Variants in FLRT2 observed in about 807,000 individuals in gnomAD.
The protein encoded by FLRT2 is fibronectin leucine rich transmembrane protein 2, also known as leucine-rich repeat transmembrane protein FLRT2.
FLRT2 carries 15 observed loss-of-function variants against 40.0 expected under a neutral mutation model. The ratio of observed to expected loss-of-function variants is 0.38; its 90% CI spans 0.25 to 0.58. The LOEUF (loss-of-function observed/expected upper bound fraction) is 0.58. Among genes scored for constraint, FLRT2 ranks in the 20% least tolerant of loss-of-function variants. FLRT2 has a pLI of 0.71. For missense variants in FLRT2, 726 were observed against 840.0 expected (o/e 0.86, Z 1.68); for synonymous variants, 380 against 336.8 (o/e 1.13, Z -1.41).
At position 85,623,322 on chromosome 14, in the gene FLRT2, C is replaced by G. The variant is rs756718002; in HGVS notation, c.1808C>G (p.Thr603Arg). ...AAGGACAACTCCATCCTGGAGATGACAGAAACCAGTTTTCAGATCGTCTCC... is the reference window on the plus strand; with the variant it reads ...AAGGACAACTCCATCCTGGAGATGAGAGAAACCAGTTTTCAGATCGTCTCC... ...TKKDNSILEMTETSFQIVSLN... is the reference protein window; with the variant it reads ...TKKDNSILEMRETSFQIVSLN... The change falls in exon 2 of 2, where the codon ACA (threonine) becomes AGA (arginine). Residue 603 changes from threonine to arginine, a missense_variant. Transcript: ENST00000330753. The G allele has an allele frequency of 1.1e-5, 17 of 1,515,876 alleles. No individual in the cohort carries two copies. Among genetic ancestry groups the G allele is most frequent in the Non-Finnish European group, 1.4e-5 (16 of 1,133,368 alleles). 93.9% of individuals were successfully genotyped at this position (1,515,876 alleles called of 1,614,324 possible). A position where few individuals can be genotyped will look rare whatever the true frequency, so the allele number is the denominator to read the frequency against.
chr14:85,536,534 G>C (rs1014284146), intron 1 of FLRT2, among the ~76,000 whole-genome samples: 1 of 151,910 alleles, frequency 6.6e-6, no homozygotes, highest in African/African-American at 2.4e-5. Context: ...TTCAATTCGA[G>C]TTCCTTTTTC....
intron 1 of FLRT2, among the ~76,000 whole-genome samples, chr14:85,598,141 A>G (rs1892223823): frequency 6.6e-6 from 1 of 152,220 alleles, no homozygotes; most frequent in South Asian, 2.1e-4. Context: ...CCATTTATTG[A>G]GCACTTACTC....
At chr14:85,573,874 G>A (rs1228829572) in intron 1 of FLRT2, among the ~76,000 whole-genome samples, 1 of 152,214 alleles carries the variant, frequency 6.6e-6, no homozygotes, top group Non-Finnish European at 1.5e-5. Context: ...CACATCTAAA[G>A]GCTCAGTGGA....
intron 1 of FLRT2, among the ~76,000 whole-genome samples, chr14:85,543,608 A>G (rs1368563767): frequency 6.6e-6 from 1 of 152,066 alleles, no homozygotes; most frequent in Non-Finnish European, 1.5e-5. Context: ...ACTTGTTATC[A>G]TGCCACGCAA....
intron 1 of FLRT2, among the ~76,000 whole-genome samples, chr14:85,619,151 A>C (rs2139365513): frequency 6.7e-6 from 1 of 149,524 alleles, no homozygotes; most frequent in East Asian, 2.0e-4. Context: ...CTGCAACAGC[A>C]TGATCTTGGC....
rs890179422 is a variant in FLRT2 at position 85,638,186 on chromosome 14, G to A, written c.*14689G>A. 9 of 152,204 alleles carry A rather than the reference G, an allele frequency of 5.9e-5. No homozygotes were observed. 9.4% of individuals were successfully genotyped at this position (152,204 alleles called of 1,614,324 possible). The stretch of plus-strand genomic sequence containing the variant: ...GTTTGGAGCACGGGCCATTGCGATG[G>A]ACAGACGCCACCGCAGAGAGCAAGG... On this transcript the variant is annotated 3_prime_UTR_variant, in exon 2 of 2. Transcript: ENST00000330753.
chr14:85,567,001 G>C (rs181176661), intron 1 of FLRT2, among the ~76,000 whole-genome samples: 1 of 152,248 alleles, frequency 6.6e-6, no homozygotes, highest in East Asian at 1.9e-4. Flanking sequence ...AATTTCTCAT[G>C]ATTGAAACAG....
intron 1 of FLRT2, among the ~76,000 whole-genome samples, chr14:85,583,640 A>G (rs1224239832): frequency 6.6e-6 from 1 of 152,166 alleles, no homozygotes; most frequent in African/African-American, 2.4e-5. Flanking sequence ...TGGTCCGCTT[A>G]AAGAATATTC....
chr14:85,599,730 T>C lies in FLRT2; in HGVS notation c.-376-21409T>C, dbSNP rs376180519. ...CCCCGTCTTTCCTTCTTTCCTCCTT[T>C]TCTTTCTTTCTTTCTTCCCTTTATC... On this transcript the variant is annotated intron_variant, in intron 1 of 1. Coordinates refer to ENST00000330753, the MANE Select transcript of FLRT2 (RefSeq NM_013231.6). 7.2e-5 allele frequency among the ~76,000 whole-genome samples: 11 copies of C among 152,214 alleles called. No homozygotes were observed. In the East Asian group the frequency reaches 1.9e-3, roughly 27 times the overall value.
chr14:85,622,785 G>A lies in FLRT2; in HGVS notation c.1271G>A (p.Arg424Gln), dbSNP rs1306901000. The A allele has an allele frequency of 3.7e-6, 6 of 1,613,946 alleles. No homozygotes were observed. The highest frequency in any genetic ancestry group is 4.5e-5 in the East Asian group (2 of 44,862). Residue 424 changes from arginine (R) to glutamine (Q), a missense_variant, in exon 2 of 2, where the codon CGG becomes CAG. Physicochemically the swap from Arg to Gln is conservative, Grantham distance 43 (BLOSUM62 1). Transcript: ENST00000330753. The stretch of plus-strand genomic sequence containing the variant: ...AGAGTGACCCCACCTATTTCTGAAC[G>A]GATCCAGCTCTCTATCCATTTTGTG... ...RERVTPPISE[R>Q]IQLSIHFVND...
intron 1 of FLRT2, among the ~76,000 whole-genome samples, chr14:85,543,227 C>T (rs996914039): frequency 5.3e-5 from 8 of 152,052 alleles, no homozygotes; most frequent in Admixed American, 3.9e-4. Context: ...TTGAAAGCTC[C>T]CATTATTGGA....
Position 85,639,851 on chromosome 14 carries a change from C to CTTTTTTTTT in FLRT2, c.*16361_*16369dup, listed in dbSNP as rs869148428. The CTTTTTTTTT allele has an allele frequency of 1.0e-4, 12 of 119,246 alleles. No individual in the cohort carries two copies. Among genetic ancestry groups the CTTTTTTTTT allele is most frequent in the African/African-American group, 2.0e-4 (6 of 29,554 alleles). The allele number at this position is 119,246 out of a possible 1,614,324, so 7.4% of individuals were successfully genotyped here. On this transcript the variant is annotated 3_prime_UTR_variant, in exon 2 of 2. Coordinates refer to ENST00000330753, the MANE Select transcript of FLRT2 (RefSeq NM_013231.6). Reference sequence around the variant, plus strand: ...GAAATTCTTTATTTTTTTTTTTTTCCTTTTTTTTTTTTTTTGAGACAGTGT... The same window carrying CTTTTTTTTT: ...GAAATTCTTTATTTTTTTTTTTTTCCTTTTTTTTTTTTTTTTTTTTTTTTGAGACAGTGT...
In FLRT2 at chr14:85,625,965, T is replaced by C. The variant is rs2139378051; in HGVS notation, c.*2468T>C. On this transcript the variant is annotated 3_prime_UTR_variant, in exon 2 of 2. Coordinates refer to ENST00000330753, the MANE Select transcript of FLRT2 (RefSeq NM_013231.6). ...TCATTTCTTATGGGGTTCACAGAATTATTTGGGGCTTAAATGGTACAATGG... is the reference window on the plus strand; with the variant it reads ...TCATTTCTTATGGGGTTCACAGAATCATTTGGGGCTTAAATGGTACAATGG... 1 of 167,174 alleles carries C rather than the reference T, an allele frequency of 6.0e-6. No individual in the cohort carries two copies. Among genetic ancestry groups the C allele is most frequent in the Admixed American group, 6.5e-5 (1 of 15,304 alleles). 10.4% of individuals were successfully genotyped at this position (167,174 alleles called of 1,614,324 possible).
chr14:85,604,835 G>T (rs549390788), intron 1 of FLRT2, among the ~76,000 whole-genome samples: 2 of 152,294 alleles, frequency 1.3e-5, no homozygotes, highest in African/African-American at 4.8e-5. Flanking sequence ...TGCTGTGTGT[G>T]TTGGCAGAGG....
chr14:85,560,177 G>A (rs1245752174), intron 1 of FLRT2, among the ~76,000 whole-genome samples: 4 of 152,160 alleles, frequency 2.6e-5, no homozygotes, highest in African/African-American at 9.7e-5. Flanking sequence ...CCTACTGGGT[G>A]AGGTTTTGTT....
In FLRT2 at chr14:85,635,665, C is replaced by G. The variant is rs1470486948; in HGVS notation, c.*12168C>G. 1 of 151,814 alleles carries G rather than the reference C, an allele frequency of 6.6e-6. No individual in the cohort carries two copies. The highest frequency in any genetic ancestry group is 1.9e-4 in the East Asian group (1 of 5,178). The allele number at this position is 151,814 out of a possible 1,614,324, so 9.4% of individuals were successfully genotyped here. A position where few individuals can be genotyped will look rare whatever the true frequency, so the allele number is the denominator to read the frequency against. On this transcript the variant is annotated 3_prime_UTR_variant, in exon 2 of 2. Coordinates refer to ENST00000330753, the MANE Select transcript of FLRT2 (RefSeq NM_013231.6). ...TGATGGAATAGAACAGATTTTAACC[C>G]TGATCCCTGCCACTTTTATCTGAAC...
rs1327156636 is a variant in FLRT2, at chr14:85,632,530, A to G, written c.*9033A>G. On this transcript the variant is annotated 3_prime_UTR_variant, in exon 2 of 2. Transcript: ENST00000330753. The stretch of plus-strand genomic sequence containing the variant: ...CCATCATGAAAAGTCCACAAAGCAC[A>G]AGTAGACACAAAGTTAAACATTTCG... 2 of 151,976 alleles carry G rather than the reference A, an allele frequency of 1.3e-5. No individual in the cohort carries two copies. The highest frequency in any genetic ancestry group is 2.9e-5 in the Non-Finnish European group (2 of 67,998). 9.4% of individuals were successfully genotyped at this position (151,976 alleles called of 1,614,324 possible).
intron 1 of FLRT2, among the ~76,000 whole-genome samples, chr14:85,607,036 C>A (rs1054377627): frequency 2.0e-5 from 3 of 151,402 alleles, no homozygotes; most frequent in African/African-American, 4.9e-5. Flanking sequence ...TGGAGGGACA[C>A]AAATTCTCAT....
At chr14:85,605,109 A>G (rs1045241364) in intron 1 of FLRT2, among the ~76,000 whole-genome samples, 2 of 152,126 alleles carry the variant, frequency 1.3e-5, no homozygotes, top group African/African-American at 4.8e-5. Context: ...TTTTAATATC[A>G]TCTCAGGCCT....
Sources: allele counts gnomAD v4.1 joint callset (sites outside exome capture counted in the v4.1 genomes callset), GRCh38; gene constraint gnomAD v4.1.1; transcripts MANE v1.5; gene names NCBI Gene and HGNC (gene_info 2026-07-23, HGNC 2026-07-21).